Variants in CHRAC1 observed in about 807,000 individuals in gnomAD.
CHRAC1 encodes the protein chromatin accessibility complex protein 1.
CHRAC1 carries 6 observed loss-of-function variants against 9.1 expected under a neutral mutation model. The observed-to-expected ratio is 0.66, with a 90% CI of 0.36 to 1.29. The LOEUF (loss-of-function observed/expected upper bound fraction) is 1.29, where lower values mean the gene tolerates loss of function less well. Ranked by LOEUF, CHRAC1 falls within the 50% of genes most tolerant of loss-of-function variation. The probability of loss-of-function intolerance (pLI) is 0.03; values close to 1 mark genes in which losing one functional copy is unlikely to be tolerated. For missense variants in CHRAC1, 168 were observed against 163.5 expected, an observed-to-expected ratio of 1.03 and a Z score of -0.15; for synonymous variants, 73 against 64.5, an observed-to-expected ratio of 1.13 and a Z score of -0.63.
In CHRAC1 at chr8:140,513,979, A is replaced by G. The variant is rs561787361; in HGVS notation, c.148-390A>G. Among the ~76,000 whole-genome samples, 283 of 131,514 alleles carry G rather than the reference A, an allele frequency of 2.2e-3. 1 individual carries two copies. The highest frequency in any genetic ancestry group is 0.015 in the Middle Eastern group (3 of 198). 86.3% of individuals were successfully genotyped at this position (131,514 alleles called of 152,430 possible). ...TTGATCACCCAGGCCAGAGTGCTGC[A>G]ATCTCCAACCTCCACCTCCCAGGTT... On this transcript the variant is annotated intron_variant, in intron 1 of 2. Coordinates refer to ENST00000220913, the MANE Select transcript of CHRAC1 (RefSeq NM_017444.6).
chr8:140,513,235 G>A (rs2072298850), intron 1 of CHRAC1, among the ~76,000 whole-genome samples: 1 of 152,358 alleles, frequency 6.6e-6, no homozygotes, highest in South Asian at 2.1e-4. Flanking sequence ...GGATGCAGGA[G>A]GGAGAAGATC....
Position 140,511,433 on chromosome 8 carries a change from G to A in CHRAC1, c.-67G>A, listed in dbSNP as rs2072271465. The A allele has an allele frequency of 6.3e-6, 8 of 1,261,790 alleles. No individual in the cohort carries two copies. The highest frequency in any genetic ancestry group is 1.6e-5 in the African/African-American group (1 of 64,018). 78.2% of individuals were successfully genotyped at this position (1,261,790 alleles called of 1,614,324 possible). A position where few individuals can be genotyped will look rare whatever the true frequency, so the allele number is the denominator to read the frequency against. ...CGCGGCTCCCCGTACCCACCAGCTG[G>A]CCGGGCAGGGCAGCCACTTCGCGGT... On this transcript the variant is annotated 5_prime_UTR_variant, in exon 1 of 3. Transcript: ENST00000220913.
chr8:140,511,582 T>A lies in CHRAC1; in HGVS notation c.83T>A (p.Met28Lys), dbSNP rs1461445873. 8 of 1,485,300 alleles carry A rather than the reference T, an allele frequency of 5.4e-6. No homozygotes were observed. The highest frequency in any genetic ancestry group is 5.4e-6 in the Non-Finnish European group (6 of 1,111,334). The allele number at this position is 1,485,300 out of a possible 1,614,324, so 92.0% of individuals were successfully genotyped here. ...SLPLSRIRVI[M>K]KSSPEVSSIN... ...CCTCTATCCCGCATCCGGGTCATCA[T>A]GAAGAGCTCCCCCGAGGTGTCCAGC... is the stretch of plus-strand genomic sequence containing the variant. Residue 28 changes from methionine (M) to lysine (K), a missense_variant, in exon 1 of 3, where the codon ATG becomes AAG. By Grantham distance (95) the Met-to-Lys change is moderately conservative (BLOSUM62 -1). Transcript: ENST00000220913.
At chr8:140,511,873 G>C (rs1375874224) in intron 1 of CHRAC1, 5 of 741,576 alleles carry the variant, frequency 6.7e-6, no homozygotes, top group Non-Finnish European at 1.1e-5. Context: ...GCTCCCTCAC[G>C]TTCTCCAGTT....
intron 1 of CHRAC1, among the ~76,000 whole-genome samples, chr8:140,513,615 T>A (rs1026969207): frequency 6.6e-5 from 10 of 151,172 alleles, no homozygotes; most frequent in East Asian, 3.9e-4. Context: ...TTTTTTTTTT[T>A]ATTTTATTTT....
rs147062696 is a variant in CHRAC1 at position 140,515,828 on chromosome 8, C to G, written c.*581C>G. ...TTTATGGAACTAGTTTTAGAGCCCT[C>G]TATGGCTTTAAGGCCTTGCTTACTG... On this transcript the variant is annotated 3_prime_UTR_variant, in exon 3 of 3. Coordinates refer to ENST00000220913, the MANE Select transcript of CHRAC1 (RefSeq NM_017444.6). 2 of 152,190 alleles carry G rather than the reference C, an allele frequency of 1.3e-5. No individual in the cohort carries two copies. Among genetic ancestry groups the G allele is most frequent in the Non-Finnish European group, 2.9e-5 (2 of 68,036 alleles). The allele number at this position is 152,190 out of a possible 1,614,324, so 9.4% of individuals were successfully genotyped here.
intron 1 of CHRAC1, among the ~76,000 whole-genome samples, chr8:140,512,525 A>T (rs573447693): frequency 1.6e-4 from 25 of 152,174 alleles, no homozygotes; most frequent in Non-Finnish European, 3.4e-4. Context: ...GTTAGGCCAG[A>T]TGTTTTCCTG....
chr8:140,514,448 AT>A lies in CHRAC1; in HGVS notation c.230del (p.Leu77Ter). On this transcript the variant is annotated frameshift_variant, in exon 2 of 3. Coordinates refer to ENST00000220913, the MANE Select transcript of CHRAC1 (RefSeq NM_017444.6). LOFTEE classifies it high-confidence loss of function. ...GAAAAGAAAGTACTGACTTACAGTG[AT>A]TTAGCAAACACTGCACAGCAATCAG... ...GKEKKVLTYSDLANTAQQSET... is the reference protein window; with the variant it reads ...GKEKKVLTYSXLANTAQQSET... 1 of 1,581,192 alleles carries A rather than the reference AT, an allele frequency of 6.3e-7. No individual in the cohort carries two copies. Among genetic ancestry groups the A allele is most frequent in the Non-Finnish European group, 8.5e-7 (1 of 1,170,428 alleles).
rs143017648 is a variant in CHRAC1, at chr8:140,512,712, C to T, written c.147+1066C>T. On this transcript the variant is annotated intron_variant, in intron 1 of 2. Coordinates refer to ENST00000220913, the MANE Select transcript of CHRAC1 (RefSeq NM_017444.6). ...CGCTTTATGTCAGAGCCATGTTTTC[C>T]TAGAGCCCAGGGAAATAATTGCATA... Among the ~76,000 whole-genome samples, 141 of 152,292 alleles carry T rather than the reference C, an allele frequency of 9.3e-4. 1 individual carries two copies. The highest frequency in any genetic ancestry group is 1.7e-3 in the Non-Finnish European group (114 of 68,014).
chr8:140,511,694 C>G (rs1405186163), intron 1 of CHRAC1, 48 bp downstream of exon 1: 2 of 1,282,934 alleles, frequency 1.6e-6, no homozygotes, highest in Admixed American at 4.1e-5. Flanking sequence ...CCTCGCGCCC[C>G]GCCCCGCCGG....
rs963695337 is a variant in CHRAC1 at position 140,513,335 on chromosome 8, T to G, written c.148-1034T>G. ...AAAATGTAAGCTGTGGTCACTATAGTTGTAGGTGAACCACCTTAGAAACAG... is the reference window on the plus strand; with the variant it reads ...AAAATGTAAGCTGTGGTCACTATAGGTGTAGGTGAACCACCTTAGAAACAG... On this transcript the variant is annotated intron_variant, in intron 1 of 2. Transcript: ENST00000220913. Among the ~76,000 whole-genome samples, 8 of 152,270 alleles carry G rather than the reference T, an allele frequency of 5.3e-5. 1 individual carries two copies. Among genetic ancestry groups the G allele is most frequent in the Admixed American group, 4.6e-4 (7 of 15,292 alleles).
chr8:140,513,826 C>T (rs2072306362), intron 1 of CHRAC1, among the ~76,000 whole-genome samples: 1 of 151,730 alleles, frequency 6.6e-6, no homozygotes, highest in African/African-American at 2.4e-5. Context: ...CTAAAATAAG[C>T]CTCTGGAAAA....
chr8:140,516,807 T>G lies in CHRAC1; in HGVS notation c.*1560T>G, dbSNP rs1346803362. ...AGTAAATTCCCTGTGGTCAGCTCCT[T>G]CCCCACCTTTTACCGTGGCAACCGT... On this transcript the variant is annotated 3_prime_UTR_variant, in exon 3 of 3. Coordinates refer to ENST00000220913, the MANE Select transcript of CHRAC1 (RefSeq NM_017444.6). 1 of 152,212 alleles carries G rather than the reference T, an allele frequency of 6.6e-6. No homozygotes were observed. The highest frequency in any genetic ancestry group is 1.5e-5 in the Non-Finnish European group (1 of 68,052). The allele number at this position is 152,212 out of a possible 1,614,324, so 9.4% of individuals were successfully genotyped here.
At position 140,516,839 on chromosome 8, in the gene CHRAC1, A is replaced by G. The variant is rs575051242; in HGVS notation, c.*1592A>G. 1 of 152,258 alleles carries G rather than the reference A, an allele frequency of 6.6e-6. No homozygotes were observed. Among genetic ancestry groups the G allele is most frequent in the East Asian group, 1.9e-4 (1 of 5,186 alleles). The allele number at this position is 152,258 out of a possible 1,614,324, so 9.4% of individuals were successfully genotyped here. A position where few individuals can be genotyped will look rare whatever the true frequency, so the allele number is the denominator to read the frequency against. On this transcript the variant is annotated 3_prime_UTR_variant, in exon 3 of 3. Transcript: ENST00000220913. ...CTTTTACCGTGGCAACCGTCAAGCT[A>G]TTCTCTGTCCCTATACCAGGTGTCA...
In CHRAC1 at chr8:140,511,362, CT is replaced by C; in HGVS notation, c.-137del. On this transcript the variant is annotated 5_prime_UTR_variant, in exon 1 of 3. Coordinates refer to ENST00000220913, the MANE Select transcript of CHRAC1 (RefSeq NM_017444.6). ...GTTTCCCGGACGGGCCGCTCCCGGC[CT>C]CGCGGCCTCGCCTCCCCACACTACA... 1 of 741,810 alleles carries C rather than the reference CT, an allele frequency of 1.3e-6. No homozygotes were observed. 46.0% of individuals were successfully genotyped at this position (741,810 alleles called of 1,614,324 possible).
chr8:140,515,247 A>C lies in CHRAC1; in HGVS notation c.396A>C (p.Ter132TyrextTer21). 6.2e-7 allele frequency: 1 copy of C among 1,613,580 alleles called. No individual in the cohort carries two copies. The highest frequency in any genetic ancestry group is 8.5e-7 in the Non-Finnish European group (1 of 1,179,888). The change falls in exon 3 of 3, where the codon TAA (stop) becomes TAC (tyrosine). Residue 132 changes from the stop codon to tyrosine (Y), a stop_lost. Transcript: ENST00000220913. ...GTGACCATGATGAAGCTGACTCCTA[A>C]ACCAAAAGTGCTTTAAAAACCAGCC... ...NESDHDEADS[*>Y]
intron 1 of CHRAC1, 43 bp downstream of exon 1, chr8:140,511,689 C>G: frequency 7.8e-7 from 1 of 1,286,354 alleles, no homozygotes; most frequent in Admixed American, 4.1e-5. Flanking sequence ...TTACCCCTCG[C>G]GCCCCGCCCC....
At chr8:140,514,700 A>T in intron 2 of CHRAC1, 1 of 453,198 alleles carries the variant, frequency 2.2e-6, no homozygotes, top group African/African-American at 2.1e-5. Flanking sequence ...CTAGAACAAT[A>T]GTGAAGCCAA....
chr8:140,512,163 T>TG, intron 1 of CHRAC1: 1 of 471,820 alleles, frequency 2.1e-6, no homozygotes, highest in South Asian at 2.0e-5. Context: ...TTGGGTTCTT[T>TG]GGGGGCTCTT....
Sources: allele counts gnomAD v4.1 joint callset (sites outside exome capture counted in the v4.1 genomes callset), GRCh38; gene constraint gnomAD v4.1.1; transcripts MANE v1.5; gene names NCBI Gene and HGNC (gene_info 2026-07-23, HGNC 2026-07-21).